Variants in AQP1 observed in about 807,000 individuals in gnomAD.
The protein encoded by AQP1 is aquaporin-1.
In AQP1, 11 loss-of-function variants were observed where a neutral mutation model predicts 19.7. The observed-to-expected ratio is 0.56, with a 90% CI of 0.35 to 0.92. AQP1 has a LOEUF of 0.92. AQP1 is among the 40% of genes least tolerant of loss of function. The pLI is 0.01. For missense variants in AQP1, 320 were observed against 369.7 expected, an observed-to-expected ratio of 0.87 and a Z score of 1.10; for synonymous variants, 159 against 166.7, an observed-to-expected ratio of 0.95 and a Z score of 0.36.
intron 1 of AQP1, among the ~76,000 whole-genome samples, chr7:30,917,680 C>T (rs1167726788): frequency 3.3e-5 from 5 of 152,052 alleles, no homozygotes; most frequent in African/African-American, 7.2e-5. Flanking sequence ...CCAGGGAGGC[C>T]GAGGCACTTG....
chr7:30,915,591 G>A (rs935086046), intron 1 of AQP1, among the ~76,000 whole-genome samples: 1 of 152,118 alleles, frequency 6.6e-6, no homozygotes, highest in African/African-American at 2.4e-5. Context: ...GCCAGGGGCT[G>A]CATCCGGGGG....
chr7:30,922,334 C>T, intron 2 of AQP1, 104 bp downstream of exon 2: 1 of 1,477,904 alleles, frequency 6.8e-7, no homozygotes. Context: ...GGGCTCTTGC[C>T]ATTGGGTGGA....
At position 30,923,217 on chromosome 7, in the gene AQP1, C is replaced by G. The variant is rs949177226; in HGVS notation, c.631-233C>G. On this transcript the variant is annotated intron_variant, in intron 3 of 3. Transcript: ENST00000311813. This position sits in a 1 kb window ranked among gnomAD's most constrained non-coding sequence, Gnocchi z 4.8. ...TTCCTCAAGAAGGGGCTGCTACTGC[C>G]CATGCCTGAGCTGGGCCCCACAGAG... Among the ~76,000 whole-genome samples the G allele has an allele frequency of 6.6e-6, 1 of 152,348 alleles. No homozygotes were observed. The highest frequency in any genetic ancestry group is 1.9e-4 in the East Asian group (1 of 5,188).
intron 1 of AQP1, chr7:30,921,672 T>G (rs750771143): frequency 1.2e-5 from 19 of 1,550,910 alleles, no homozygotes; most frequent in Non-Finnish European, 1.5e-5. Context: ...TTTGCATCTC[T>G]TCTCCTAGGA....
Position 30,911,898 on chromosome 7 carries a change from C to T in AQP1, c.-12C>T, listed in dbSNP as rs1791173574. On this transcript the variant is annotated 5_prime_UTR_variant, in exon 1 of 4. Coordinates refer to ENST00000311813, the MANE Select transcript of AQP1 (RefSeq NM_198098.4). ...CACCCGGCAGCGGTCTCAGGCCAAG[C>T]CCCCTGCCAGCATGGCCAGCGAGTT... 1 of 1,612,870 alleles carries T rather than the reference C, an allele frequency of 6.2e-7. No individual in the cohort carries two copies. Among genetic ancestry groups the T allele is most frequent in the Non-Finnish European group, 8.5e-7 (1 of 1,180,030 alleles).
At position 30,923,321 on chromosome 7, in the gene AQP1, T is replaced by C; in HGVS notation, c.631-129T>C. On this transcript the variant is annotated intron_variant, in intron 3 of 3. Transcript: ENST00000311813. The surrounding 1 kb of genome is among the most constrained non-coding windows in gnomAD (Gnocchi z 4.8). ...CGGAATCATGATGTTAGGATTTGGC[T>C]CTCCTACCTGCCTCCATCCCAGGTG... 1 of 1,526,104 alleles carries C rather than the reference T, an allele frequency of 6.6e-7. No homozygotes were observed. The highest frequency in any genetic ancestry group is 8.8e-7 in the Non-Finnish European group (1 of 1,134,582). 94.5% of individuals were successfully genotyped at this position (1,526,104 alleles called of 1,614,324 possible). A position where few individuals can be genotyped will look rare whatever the true frequency, so the allele number is the denominator to read the frequency against.
In AQP1 at chr7:30,912,501, G is replaced by A. The variant is rs1374562702; in HGVS notation, c.384+208G>A. Reference sequence around the variant, plus strand: ...AAGCCTGTTTTCTGCCAGGCACTGTGGGAAGCTGAGATCCAGAGAATAATG... The same window carrying A: ...AAGCCTGTTTTCTGCCAGGCACTGTAGGAAGCTGAGATCCAGAGAATAATG... On this transcript the variant is annotated intron_variant, in intron 1 of 3. Transcript: ENST00000311813. This position sits in a 1 kb window ranked among gnomAD's most constrained non-coding sequence, Gnocchi z 4.3. 1.3e-5 allele frequency among the ~76,000 whole-genome samples: 2 copies of A among 152,230 alleles called. No individual in the cohort carries two copies. Among genetic ancestry groups the A allele is most frequent in the African/African-American group, 4.8e-5 (2 of 41,464 alleles).
At chr7:30,922,299 T>C (rs1773232807) in intron 2 of AQP1, 69 bp downstream of exon 2, 2 of 1,521,816 alleles carry the variant, frequency 1.3e-6, no homozygotes, top group Non-Finnish European at 1.8e-6. Context: ...TGCCCTGCCA[T>C]GGGCAGCCAG....
intron 1 of AQP1, among the ~76,000 whole-genome samples, chr7:30,915,400 G>A (rs1030843928): frequency 2.1e-4 from 32 of 152,334 alleles, no homozygotes; most frequent in Middle Eastern, 3.4e-3. Context: ...GGAGGGCCAG[G>A]AAGGCATCAG....
In AQP1 at chr7:30,913,654, T is replaced by C. The variant is rs570118627; in HGVS notation, c.384+1361T>C. ...AGGTCTGGTGCAGAGGGCAGCTGGC[T>C]CAGCCTGGCCATGGGGGGCTTAGCA... On this transcript the variant is annotated intron_variant, in intron 1 of 3. Coordinates refer to ENST00000311813, the MANE Select transcript of AQP1 (RefSeq NM_198098.4). Among the ~76,000 whole-genome samples, 40 of 152,306 alleles carry C rather than the reference T, an allele frequency of 2.6e-4. No individual in the cohort carries two copies. In the South Asian group the frequency reaches 5.6e-3, roughly 21 times the overall value.
Position 30,924,173 on chromosome 7 carries a change from G to T in AQP1, c.*544G>T. 1 of 1,143,934 alleles carries T rather than the reference G, an allele frequency of 8.7e-7. No homozygotes were observed. Among genetic ancestry groups the T allele is most frequent in the South Asian group, 1.9e-5 (1 of 52,106 alleles). The allele number at this position is 1,143,934 out of a possible 1,614,324, so 70.9% of individuals were successfully genotyped here. A position where few individuals can be genotyped will look rare whatever the true frequency, so the allele number is the denominator to read the frequency against. ...AGCCCCTGACCCGCTCGGACTTACT[G>T]CCTGACCTTGGAATCGTCCCTATAT... On this transcript the variant is annotated 3_prime_UTR_variant, in exon 4 of 4. Transcript: ENST00000311813.
intron 1 of AQP1, chr7:30,921,547 C>T: frequency 4.6e-6 from 7 of 1,536,480 alleles, no homozygotes; most frequent in Non-Finnish European, 6.2e-6. Context: ...TGGAGGGAGC[C>T]AGGACCTCAC....
At chr7:30,915,985 T>G (rs1005684927) in intron 1 of AQP1, among the ~76,000 whole-genome samples, 2 of 152,168 alleles carry the variant, frequency 1.3e-5, no homozygotes, top group African/African-American at 4.8e-5. Context: ...ATATAATTAC[T>G]GTTTCCGCCA....
chr7:30,921,812 G>C, intron 1 of AQP1: 1 of 1,550,436 alleles, frequency 6.4e-7, no homozygotes. Flanking sequence ...CCAGCTTCTA[G>C]GCAGAGTGGG....
Position 30,922,077 on chromosome 7 carries a change from T to C in AQP1, c.396T>C (p.Gly132=). The change falls in exon 2 of 4, where the codon GGT becomes GGC. Residue 132 remains glycine, a synonymous_variant. Coordinates refer to ENST00000311813, the MANE Select transcript of AQP1 (RefSeq NM_198098.4). ...TCTCTCCCCTGCAGCTGGCTGATGG[T>C]GTGAACTCGGGCCAGGGCCTGGGCA... The part of the protein sequence containing the change: ...NSLGRNDLAD[G]VNSGQGLGIE... 2 of 1,613,962 alleles carry C rather than the reference T, an allele frequency of 1.2e-6. No individual in the cohort carries two copies. Among genetic ancestry groups the C allele is most frequent in the South Asian group, 2.2e-5 (2 of 91,088 alleles).
At position 30,922,547 on chromosome 7, in the gene AQP1, G is replaced by T; in HGVS notation, c.550-17G>T. On this transcript the variant is annotated splice_polypyrimidine_tract_variant and intron_variant, in intron 2 of 3. Coordinates refer to ENST00000311813, the MANE Select transcript of AQP1 (RefSeq NM_198098.4). Reference sequence around the variant, plus strand: ...ACTCTCTGCCTTCGCCCCTCCCTCTGTTTCTTTCCCTCACAGATTGACTAC... The same window carrying T: ...ACTCTCTGCCTTCGCCCCTCCCTCTTTTTCTTTCCCTCACAGATTGACTAC... 6.2e-7 allele frequency: 1 copy of T among 1,609,696 alleles called. No homozygotes were observed. Among genetic ancestry groups the T allele is most frequent in the Non-Finnish European group, 8.5e-7 (1 of 1,178,146 alleles).
intron 1 of AQP1, among the ~76,000 whole-genome samples, chr7:30,917,877 C>T (rs1791397694): frequency 6.6e-6 from 1 of 152,188 alleles, no homozygotes; most frequent in Non-Finnish European, 1.5e-5. Flanking sequence ...TAACATTTTT[C>T]ACTCTGGTGG....
At position 30,922,047 on chromosome 7, in the gene AQP1, C is replaced by T. The variant is rs751416967; in HGVS notation, c.385-19C>T. 1 of 1,613,556 alleles carries T rather than the reference C, an allele frequency of 6.2e-7. No individual in the cohort carries two copies. The highest frequency in any genetic ancestry group is 1.7e-5 in the Admixed American group (1 of 60,032). On this transcript the variant is annotated intron_variant, in intron 1 of 3. Transcript: ENST00000311813. Reference sequence around the variant, plus strand: ...TGCCTACCCTCCTCACCAGTCCTCACCACCTCTCTCCCCTGCAGCTGGCTG... The same window carrying T: ...TGCCTACCCTCCTCACCAGTCCTCATCACCTCTCTCCCCTGCAGCTGGCTG...
At position 30,923,593 on chromosome 7, in the gene AQP1, C is replaced by A; in HGVS notation, c.774C>A (p.Asp258Glu). The A allele has an allele frequency of 1.2e-6, 2 of 1,610,618 alleles. No individual in the cohort carries two copies. The highest frequency in any genetic ancestry group is 1.7e-6 in the Non-Finnish European group (2 of 1,179,070). The change falls in exon 4 of 4, where the codon GAC becomes GAA. Residue 258 changes from aspartate to glutamate, a missense_variant. By Grantham distance (45) the Asp-to-Glu change is conservative. Transcript: ENST00000311813. This position sits in a 1 kb window ranked among gnomAD's most constrained non-coding sequence, Gnocchi z 4.8. ...TGGAGGAGTATGACCTGGATGCCGA[C>A]GACATCAACTCCAGGGTGGAGATGA... is the stretch of plus-strand genomic sequence containing the variant. ...GQVEEYDLDA[D>E]DINSRVEMKP...
Sources: allele counts gnomAD v4.1 joint callset (sites outside exome capture counted in the v4.1 genomes callset), GRCh38; gene constraint gnomAD v4.1.1; non-coding constraint Gnocchi (gnomAD v3.1); transcripts MANE v1.5; gene names NCBI Gene and HGNC (gene_info 2026-07-23, HGNC 2026-07-21).